APBA2: variants seen among roughly 807,000 people sequenced by gnomAD.
The protein encoded by APBA2 is amyloid-beta A4 precursor protein-binding family A member 2.
In APBA2, 30 loss-of-function variants were observed where a neutral mutation model predicts 75.0. The observed-to-expected ratio is 0.40, with a 90% CI of 0.30 to 0.54. APBA2 has a LOEUF of 0.54. Among genes scored for constraint, APBA2 ranks in the 20% least tolerant of loss-of-function variants. The pLI, the probability that APBA2 is intolerant of heterozygous loss-of-function variation, is 0.49. For missense variants in APBA2, 801 were observed against 1,016.1 expected, an observed-to-expected ratio of 0.79 and a Z score of 2.88; for synonymous variants, 444 against 409.6, an observed-to-expected ratio of 1.08 and a Z score of -1.01.
intron 2 of APBA2, among the ~76,000 whole-genome samples, chr15:28,922,603 A>C (rs2034032514): frequency 6.6e-6 from 1 of 152,118 alleles, no homozygotes. Flanking sequence ...GGGCCGTCTG[A>C]GCCACATTCC....
chr15:28,968,295 G>GGT (rs1022734525), intron 2 of APBA2, among the ~76,000 whole-genome samples: 2 of 152,132 alleles, frequency 1.3e-5, no homozygotes, highest in African/African-American at 4.8e-5. Flanking sequence ...CATTCTTTTG[G>GGT]GTGTATACTC....
At chr15:28,893,687 C>T (rs994437775) in intron 1 of APBA2, among the ~76,000 whole-genome samples, 1 of 152,100 alleles carries the variant, frequency 6.6e-6, no homozygotes, top group African/African-American at 2.4e-5. Flanking sequence ...AGCGTGTCAT[C>T]GTTTTGCAGG....
intron 3 of APBA2, among the ~76,000 whole-genome samples, chr15:29,045,435 C>T (rs1595819583): frequency 6.6e-6 from 1 of 151,934 alleles, no homozygotes; most frequent in East Asian, 1.9e-4. Flanking sequence ...GAGCTCCACC[C>T]TCATGACCTC....
At chr15:28,934,196 C>T (rs536166352) in intron 2 of APBA2, among the ~76,000 whole-genome samples, 115 of 152,244 alleles carry the variant, frequency 7.6e-4, no homozygotes, top group African/African-American at 2.6e-3. Context: ...GTCCTGGGGC[C>T]GGTGCCACTG....
Position 28,918,115 on chromosome 15 carries a change from C to T in APBA2, c.-204-3525C>T, listed in dbSNP as rs1180887005. Among the ~76,000 whole-genome samples, 3 of 152,188 alleles carry T rather than the reference C, an allele frequency of 2.0e-5. No individual in the cohort carries two copies. The highest frequency in any genetic ancestry group is 4.4e-5 in the Non-Finnish European group (3 of 68,042). Reference sequence around the variant, plus strand: ...TTGCTGAGCACTTGGGAGGCATAGGCTCGGCGGGAAGGGAAGGCCTGCAGG... The same window carrying T: ...TTGCTGAGCACTTGGGAGGCATAGGTTCGGCGGGAAGGGAAGGCCTGCAGG... On this transcript the variant is annotated intron_variant, in intron 1 of 14. Coordinates refer to ENST00000683413, the MANE Select transcript of APBA2 (RefSeq NM_001353788.2). This position sits in a 1 kb window ranked among gnomAD's most constrained non-coding sequence, Gnocchi z 4.2.
chr15:28,970,274 T>A (rs1330756085), intron 2 of APBA2: 1 of 151,846 alleles, frequency 6.6e-6, no homozygotes, highest in Admixed American at 6.6e-5. Context: ...CTTATGTTAA[T>A]ATACATTTAT....
chr15:28,951,881 C>CTTTTTTTT (rs71414600), intron 2 of APBA2, among the ~76,000 whole-genome samples: 1 of 109,824 alleles, frequency 9.1e-6, no homozygotes, highest in African/African-American at 3.8e-5. Context: ...TGCACTCAGC[C>CTTTTTTTT]TTTTTTTTTT....
intron 4 of APBA2, among the ~76,000 whole-genome samples, chr15:29,068,842 C>T (rs566471133): frequency 1.3e-5 from 2 of 152,292 alleles, no homozygotes; most frequent in Admixed American, 1.3e-4. Context: ...ACTCTTGCTT[C>T]TCCTATTATT....
intron 10 of APBA2, among the ~76,000 whole-genome samples, chr15:29,104,366 G>A (rs1327236673): frequency 1.3e-5 from 2 of 152,222 alleles, no homozygotes; most frequent in South Asian, 2.1e-4. Context: ...CAAGAGCCCC[G>A]CCGCGCTCCC....
chr15:29,002,506 A>T (rs1007083318), intron 3 of APBA2, among the ~76,000 whole-genome samples: 2 of 151,792 alleles, frequency 1.3e-5, no homozygotes, highest in African/African-American at 4.8e-5. Context: ...TTACCATCTC[A>T]TAAGAAACCC....
intron 3 of APBA2, among the ~76,000 whole-genome samples, chr15:29,023,213 G>T (rs1243647911): frequency 5.3e-5 from 8 of 152,078 alleles, no homozygotes; most frequent in African/African-American, 1.9e-4. Context: ...TCTAGGTAGG[G>T]TAACCAGCCC....
chr15:29,000,966 C>T (rs1471537842), intron 3 of APBA2, among the ~76,000 whole-genome samples: 1 of 152,112 alleles, frequency 6.6e-6, no homozygotes, highest in Non-Finnish European at 1.5e-5. Flanking sequence ...TCCTTCTGGC[C>T]CTGCCTGTGT....
chr15:29,086,500 T>TTCTAC (rs962494327), intron 6 of APBA2, among the ~76,000 whole-genome samples: 14 of 152,362 alleles, frequency 9.2e-5, no homozygotes, highest in African/African-American at 3.1e-4. Flanking sequence ...GGTTTATAGG[T>TTCTAC]TCTAACATTT....
intron 2 of APBA2, among the ~76,000 whole-genome samples, chr15:28,934,176 T>C (rs868730596): frequency 1.3e-5 from 2 of 152,210 alleles, no homozygotes; most frequent in Middle Eastern, 3.2e-3. Context: ...GAGCTTGGAC[T>C]GTGTCCTATG....
chr15:28,920,419 C>T (rs2033913168), intron 1 of APBA2, among the ~76,000 whole-genome samples: 1 of 152,196 alleles, frequency 6.6e-6, no homozygotes, highest in Non-Finnish European at 1.5e-5. Flanking sequence ...AGGCAATGGC[C>T]TTGTCATGCA....
At chr15:28,912,618 C>T (rs1007998267) in intron 1 of APBA2, among the ~76,000 whole-genome samples, 1 of 152,216 alleles carries the variant, frequency 6.6e-6, no homozygotes, top group African/African-American at 2.4e-5. Context: ...GGACATAGCC[C>T]AGCACCCTCC....
At chr15:28,893,241 T>C (rs2032252772) in intron 1 of APBA2, among the ~76,000 whole-genome samples, 2 of 152,230 alleles carry the variant, frequency 1.3e-5, no homozygotes, top group East Asian at 1.9e-4. Flanking sequence ...TGAGTTACTA[T>C]GGATGGAGGA....
At chr15:29,023,413 C>T (rs1005340796) in intron 3 of APBA2, among the ~76,000 whole-genome samples, 10 of 130,296 alleles carry the variant, frequency 7.7e-5, no homozygotes, top group African/African-American at 2.5e-4. Flanking sequence ...AATGGGTTGT[C>T]GAATTTGATG....
intron 8 of APBA2, among the ~76,000 whole-genome samples, chr15:29,095,218 G>A (rs2043793276): frequency 6.6e-6 from 1 of 152,086 alleles, no homozygotes; most frequent in African/African-American, 2.4e-5. Flanking sequence ...ACCTGAGGTC[G>A]GGAGTTCGAG....
Sources: allele counts gnomAD v4.1 joint callset (sites outside exome capture counted in the v4.1 genomes callset), GRCh38; gene constraint gnomAD v4.1.1; non-coding constraint Gnocchi (gnomAD v3.1); transcripts MANE v1.5; gene names NCBI Gene and HGNC (gene_info 2026-07-23, HGNC 2026-07-21).